KLHL26: variants seen among roughly 807,000 people sequenced by gnomAD.
KLHL26 encodes the protein kelch-like protein 26.
Under a neutral mutation model 7.1 loss-of-function variants are expected in KLHL26, and 4 were observed. That is an observed-to-expected ratio of 0.56 (90% confidence interval 0.28 to 1.28). The LOEUF is 1.28. Ranked by LOEUF, KLHL26 falls within the 50% of genes most tolerant of loss-of-function variation. The pLI, the probability that KLHL26 is intolerant of heterozygous loss-of-function variation, is 0.11. For synonymous variants in KLHL26, 465 were observed against 414.1 expected, an observed-to-expected ratio of 1.12 and a Z score of -1.49; for missense variants, 896 against 924.6, an observed-to-expected ratio of 0.97 and a Z score of 0.40.
At chr19:18,652,890 G>A (rs1026715436) in intron 1 of KLHL26, among the ~76,000 whole-genome samples, 7 of 152,184 alleles carry the variant, frequency 4.6e-5, no homozygotes, top group East Asian at 1.9e-4. Flanking sequence ...AAAGGGGCAC[G>A]GCTATCATCC....
chr19:18,639,407 T>TC (rs1265214644), intron 1 of KLHL26, among the ~76,000 whole-genome samples: 4 of 135,568 alleles, frequency 3.0e-5, no homozygotes, highest in South Asian at 2.6e-4. Flanking sequence ...CATTAAGTTT[T>TC]TTTTTTTTTT....
chr19:18,655,958 C>T (rs1271194560), intron 1 of KLHL26, among the ~76,000 whole-genome samples: 2 of 152,168 alleles, frequency 1.3e-5, no homozygotes, highest in Admixed American at 1.3e-4. Flanking sequence ...GGGCACTGGG[C>T]TTATGGTGAC....
At chr19:18,640,549 T>A (rs1442657605) in intron 1 of KLHL26, among the ~76,000 whole-genome samples, 1 of 144,618 alleles carries the variant, frequency 6.9e-6, no homozygotes, top group Non-Finnish European at 1.5e-5. Context: ...GGCTATGTTT[T>A]AATTTTTTTT....
Position 18,669,276 on chromosome 19 carries a change from C to CCA in KLHL26, c.*31_*32insCA. 6.5e-7 allele frequency: 1 copy of CCA among 1,545,148 alleles called. No individual in the cohort carries two copies. Among genetic ancestry groups the CCA allele is most frequent in the South Asian group, 1.1e-5 (1 of 88,206 alleles). ...AAGACCCCCGGGACCCTGGCCTGAC[C>CCA]GCATGTTGTCTCCAAGTGGGGCTTG... On this transcript the variant is annotated 3_prime_UTR_variant, in exon 3 of 3. Coordinates refer to ENST00000300976, the MANE Select transcript of KLHL26 (RefSeq NM_018316.3).
chr19:18,647,421 C>T (rs1976824196), intron 1 of KLHL26, among the ~76,000 whole-genome samples: 1 of 152,192 alleles, frequency 6.6e-6, no homozygotes, highest in South Asian at 2.1e-4. Flanking sequence ...AGGCTTTCTC[C>T]TCACTCCAGC....
Position 18,668,297 on chromosome 19 carries a change from G to A in KLHL26, c.900G>A (p.Pro300=), listed in dbSNP as rs1212905022. The change falls in exon 3 of 3, where the codon CCG becomes CCA. Residue 300 remains proline, a synonymous_variant. Coordinates refer to ENST00000300976, the MANE Select transcript of KLHL26 (RefSeq NM_018316.3). ...LPFRQHEMQS[P]RTAVRSDVPS... ...TCCGGCAGCACGAGATGCAGTCTCC[G>A]CGCACCGCCGTGCGCTCGGATGTGC... 1.6e-5 allele frequency: 25 copies of A among 1,611,450 alleles called. No individual in the cohort carries two copies. The highest frequency in any genetic ancestry group is 4.5e-5 in the East Asian group (2 of 44,874).
intron 1 of KLHL26, among the ~76,000 whole-genome samples, chr19:18,660,532 C>T (rs1177595815): frequency 1.3e-5 from 2 of 152,222 alleles, no homozygotes; most frequent in Non-Finnish European, 2.9e-5. Flanking sequence ...TGCCGGCCGC[C>T]CCCTGTCTGG....
rs1393860683 is a variant in KLHL26 at position 18,656,532 on chromosome 19, C to T, written c.84-7729C>T. Among the ~76,000 whole-genome samples the T allele has an allele frequency of 2.0e-5, 3 of 152,142 alleles. No homozygotes were observed. Among genetic ancestry groups the T allele is most frequent in the Non-Finnish European group, 4.4e-5 (3 of 68,032 alleles). Reference sequence around the variant, plus strand: ...TCTGTCCCCACCCAGCAGGCACAGACAGGCTGAAGCCAAGGACAGACAGGC... The same window carrying T: ...TCTGTCCCCACCCAGCAGGCACAGATAGGCTGAAGCCAAGGACAGACAGGC... On this transcript the variant is annotated intron_variant, in intron 1 of 2. Transcript: ENST00000300976. This position sits in a 1 kb window ranked among gnomAD's most constrained non-coding sequence, Gnocchi z 4.4.
chr19:18,647,687 A>G (rs964500752), intron 1 of KLHL26, among the ~76,000 whole-genome samples: 13 of 151,244 alleles, frequency 8.6e-5, no homozygotes, highest in Non-Finnish European at 1.6e-4. Flanking sequence ...GAGAATGGGG[A>G]GGGAGAGAGG....
intron 1 of KLHL26, among the ~76,000 whole-genome samples, 192 bp downstream of exon 1, chr19:18,637,329 G>T (rs928098736): frequency 6.6e-6 from 1 of 152,122 alleles, no homozygotes; most frequent in African/African-American, 2.4e-5. Flanking sequence ...CTGGAGGGGG[G>T]CTGGGTGCCC....
rs566561861 is a variant in KLHL26 at position 18,669,425 on chromosome 19, C to G, written c.*180C>G. ...CCCTCCCTCCTTCCCAAAGCAGATC[C>G]TGGCTGCGAGTCCATCCGAGGGAGC... On this transcript the variant is annotated 3_prime_UTR_variant, in exon 3 of 3. Transcript: ENST00000300976. 1 of 598,426 alleles carries G rather than the reference C, an allele frequency of 1.7e-6. No individual in the cohort carries two copies. The highest frequency in any genetic ancestry group is 2.8e-5 in the East Asian group (1 of 35,360). The allele number at this position is 598,426 out of a possible 1,614,324, so 37.1% of individuals were successfully genotyped here.
chr19:18,655,711 T>TATGGAGGCAGAGAGCTTGCC (rs1568459189), intron 1 of KLHL26, among the ~76,000 whole-genome samples: 2 of 146,812 alleles, frequency 1.4e-5, no homozygotes, highest in Admixed American at 6.7e-5. Flanking sequence ...GAGAGCTTGC[T>TATGGAGGCAGAGAGCTTGCC]GCTGGTCAGG....
intron 1 of KLHL26, 30 bp from the exon 2 acceptor site, chr19:18,664,231 G>T: frequency 6.4e-7 from 1 of 1,566,254 alleles, no homozygotes; most frequent in Non-Finnish European, 8.6e-7. Context: ...GAACCTCTGG[G>T]CCATGTCCCC....
At chr19:18,642,375 GTGTGTGTT>G (rs1976728681) in intron 1 of KLHL26, among the ~76,000 whole-genome samples, 1 of 151,284 alleles carries the variant, frequency 6.6e-6, no homozygotes, top group African/African-American at 2.4e-5. Context: ...GTGTGTGTGT[GTGTGTGTT>G]TGAGATGGAG....
At chr19:18,643,684 G>A (rs1976754731) in intron 1 of KLHL26, among the ~76,000 whole-genome samples, 2 of 151,772 alleles carry the variant, frequency 1.3e-5, no homozygotes, top group African/African-American at 4.8e-5. Context: ...CTCCATCTTG[G>A]TCAGGCTGGT....
chr19:18,664,138 C>T (rs1199565941), intron 1 of KLHL26, 123 bp from the exon 2 acceptor site: 9 of 795,130 alleles, frequency 1.1e-5, no homozygotes, highest in South Asian at 3.0e-5. Flanking sequence ...GGGCATTTCA[C>T]GTCAGTGGAG....
At chr19:18,641,903 G>A (rs760364123) in intron 1 of KLHL26, among the ~76,000 whole-genome samples, 4 of 151,964 alleles carry the variant, frequency 2.6e-5, no homozygotes, top group Non-Finnish European at 5.9e-5. Flanking sequence ...CTGGGATTAC[G>A]GCGTGAGCCA....
chr19:18,637,274 G>A (rs1976636236), intron 1 of KLHL26, 137 bp downstream of exon 1: 1 of 949,630 alleles, frequency 1.1e-6, no homozygotes, highest in Non-Finnish European at 1.4e-6. Flanking sequence ...TGGACTTTAC[G>A]GGGCCGTGGG....
At chr19:18,667,598 T>C in intron 2 of KLHL26, 66 bp from the exon 3 acceptor site, 1 of 1,556,562 alleles carries the variant, frequency 6.4e-7, no homozygotes, top group African/African-American at 1.3e-5. Context: ...CCAGGCCAGA[T>C]CATTCCTGGC....
Sources: gnomAD v4.1 joint callset for allele counts (sites outside exome capture counted in the v4.1 genomes callset) on GRCh38, gnomAD v4.1.1 for gene constraint, Gnocchi (gnomAD v3.1) non-coding constraint, MANE v1.5 for transcripts, NCBI Gene and HGNC (gene_info 2026-07-23, HGNC 2026-07-21) for gene names.